DEPTOR: variants seen among roughly 807,000 people sequenced by gnomAD.
DEPTOR encodes DEP domain containing MTOR interacting protein.
In DEPTOR, 41 loss-of-function variants were observed where a neutral mutation model predicts 41.6. The observed-to-expected ratio is 0.98, with a 90% CI of 0.77 to 1.28. The LOEUF (loss-of-function observed/expected upper bound fraction) is 1.28, where lower values mean the gene tolerates loss of function less well. Ranked by LOEUF, DEPTOR falls within the 50% of genes most tolerant of loss-of-function variation. The pLI is 0.00. For synonymous variants in DEPTOR, 195 were observed against 192.3 expected (o/e 1.01, Z -0.12); for missense variants, 514 against 527.9 (o/e 0.97, Z 0.26).
intron 8 of DEPTOR, among the ~76,000 whole-genome samples, chr8:120,016,455 C>T (rs1403375154): frequency 1.3e-5 from 2 of 152,006 alleles, no homozygotes; most frequent in African/African-American, 4.8e-5. Context: ...TGTACCACCA[C>T]ACCCAGCTAA....
intron 1 of DEPTOR, among the ~76,000 whole-genome samples, chr8:119,914,039 T>C (rs1423635568): frequency 2.6e-5 from 4 of 151,900 alleles, no homozygotes; most frequent in Non-Finnish European, 5.9e-5. Flanking sequence ...TTTTCTTTTT[T>C]TTTTTTTCCT....
At chr8:120,009,000 T>G in intron 7 of DEPTOR, 29 bp from the exon 8 acceptor site, 1 of 1,608,894 alleles carries the variant, frequency 6.2e-7, no homozygotes, top group Admixed American at 1.7e-5. Flanking sequence ...GACAGTCGGC[T>G]GCTTGCTAAT....
At chr8:119,899,242 CT>C (rs1271925892) in intron 1 of DEPTOR, among the ~76,000 whole-genome samples, 1 of 152,114 alleles carries the variant, frequency 6.6e-6, no homozygotes. Context: ...CAAGAAATTA[CT>C]TTAGAAACCT....
intron 3 of DEPTOR, among the ~76,000 whole-genome samples, chr8:119,962,544 A>G (rs1828507188): frequency 6.6e-6 from 1 of 152,136 alleles, no homozygotes; most frequent in Admixed American, 6.6e-5. Flanking sequence ...GAGGAACTGA[A>G]AGAGGGCAGG....
intron 3 of DEPTOR, among the ~76,000 whole-genome samples, chr8:119,936,672 G>A (rs1161858528): frequency 6.6e-6 from 1 of 152,192 alleles, no homozygotes; most frequent in Non-Finnish European, 1.5e-5. Context: ...TCTATTTCCA[G>A]TATAGAGGTG....
chr8:119,907,386 C>T (rs544980087), intron 1 of DEPTOR, among the ~76,000 whole-genome samples: 261 of 152,120 alleles, frequency 1.7e-3, no homozygotes, highest in Non-Finnish European at 3.1e-3. Flanking sequence ...CATATGCCTA[C>T]GGATAATATT....
intron 4 of DEPTOR, among the ~76,000 whole-genome samples, chr8:119,974,324 T>G (rs904186117): frequency 6.7e-6 from 1 of 149,424 alleles, no homozygotes; most frequent in East Asian, 2.0e-4. Flanking sequence ...GGAAAAATAA[T>G]TTTTTCTTTA....
intron 1 of DEPTOR, among the ~76,000 whole-genome samples, chr8:119,893,392 G>A (rs1215917714): frequency 6.6e-6 from 1 of 152,210 alleles, no homozygotes; most frequent in East Asian, 1.9e-4. Flanking sequence ...TCAGGGAGGA[G>A]TTTGAAATCT....
At chr8:119,887,037 T>C (rs1307658989) in intron 1 of DEPTOR, among the ~76,000 whole-genome samples, 2 of 151,482 alleles carry the variant, frequency 1.3e-5, no homozygotes, top group Admixed American at 1.3e-4. Flanking sequence ...GTGGAATTCA[T>C]GACCTAAAAC....
Position 120,045,715 on chromosome 8 carries a change from C to A in DEPTOR, c.1102-3861C>A, listed in dbSNP as rs548650097. 3.3e-5 allele frequency among the ~76,000 whole-genome samples: 5 copies of A among 152,288 alleles called. No homozygotes were observed. In the South Asian group the frequency reaches 6.2e-4, roughly 19 times the overall value. ...AATTAAATTCAGTTGAAGTGACCAT[C>A]ACCAAGGTTGATGACAAGTTCAATG... On this transcript the variant is annotated intron_variant, in intron 8 of 8. Coordinates refer to ENST00000286234, the MANE Select transcript of DEPTOR (RefSeq NM_022783.4).
chr8:119,884,903 G>A (rs991198174), intron 1 of DEPTOR, among the ~76,000 whole-genome samples: 7 of 152,012 alleles, frequency 4.6e-5, no homozygotes, highest in African/African-American at 1.4e-4. Flanking sequence ...AGCTTCCTGA[G>A]TAGCTGGGAC....
At chr8:120,003,447 G>A (rs1264985221) in intron 6 of DEPTOR, among the ~76,000 whole-genome samples, 1 of 152,114 alleles carries the variant, frequency 6.6e-6, no homozygotes, top group Non-Finnish European at 1.5e-5. Context: ...TGGGAGGAGG[G>A]CATGACCTTG....
intron 8 of DEPTOR, among the ~76,000 whole-genome samples, chr8:120,045,041 C>T (rs2130210859): frequency 6.6e-6 from 1 of 152,304 alleles, no homozygotes; most frequent in East Asian, 1.9e-4. Context: ...TGGGCTTTTT[C>T]TCCAGAACAC....
chr8:120,020,871 C>A (rs1417388709), intron 8 of DEPTOR, among the ~76,000 whole-genome samples: 1 of 151,926 alleles, frequency 6.6e-6, no homozygotes, highest in Non-Finnish European at 1.5e-5. Context: ...CCAGCCTGGC[C>A]AATGTGGCGA....
At chr8:119,894,612 G>T (rs1827492506) in intron 1 of DEPTOR, among the ~76,000 whole-genome samples, 2 of 151,910 alleles carry the variant, frequency 1.3e-5, no homozygotes, top group Admixed American at 6.6e-5. Flanking sequence ...TAGCCAGGAT[G>T]GTCTCGATCT....
intron 3 of DEPTOR, among the ~76,000 whole-genome samples, chr8:119,944,951 G>A (rs1290012971): frequency 6.6e-6 from 1 of 151,924 alleles, no homozygotes; most frequent in Non-Finnish European, 1.5e-5. Flanking sequence ...ACTGCGCCCA[G>A]CCTATAATGA....
chr8:119,911,340 C>T (rs1471686614), intron 1 of DEPTOR, among the ~76,000 whole-genome samples: 8 of 113,060 alleles, frequency 7.1e-5, no homozygotes, highest in African/African-American at 2.6e-4. Flanking sequence ...TTTTTTGAGA[C>T]GGAGTTTCAC....
intron 8 of DEPTOR, among the ~76,000 whole-genome samples, chr8:120,046,981 T>A (rs1813162181): frequency 6.6e-6 from 1 of 152,196 alleles, no homozygotes; most frequent in African/African-American, 2.4e-5. Flanking sequence ...CCTGGTATGA[T>A]CACAGCTTCT....
intron 4 of DEPTOR, among the ~76,000 whole-genome samples, chr8:119,994,587 G>A (rs7836786): frequency 0.82 from 124,697 of 152,056 alleles, 51,414 homozygotes; most frequent in African/African-American, 0.89. Flanking sequence ...ATAGGTAAAA[G>A]GATAACAAAC....
Sources: gnomAD v4.1 joint callset for allele counts (sites outside exome capture counted in the v4.1 genomes callset) on GRCh38, gnomAD v4.1.1 for gene constraint, MANE v1.5 for transcripts, NCBI Gene and HGNC (gene_info 2026-07-23, HGNC 2026-07-21) for gene names.